The following HS3ST4 variants were observed in gnomAD, a reference collection of about 807,000 sequenced individuals.
HS3ST4 encodes heparan sulfate-glucosamine 3-sulfotransferase 4, also known as heparan sulfate glucosamine 3-O-sulfotransferase 4.
Under a neutral mutation model 29.2 loss-of-function variants are expected in HS3ST4, and 17 were observed. That is an observed-to-expected ratio of 0.58 (90% CI 0.40 to 0.87). The LOEUF (loss-of-function observed/expected upper bound fraction) is 0.87, where lower values mean the gene tolerates loss of function less well. Among genes scored for constraint, HS3ST4 ranks in the 40% least tolerant of loss-of-function variants. HS3ST4 has a pLI of 0.00. For synonymous variants in HS3ST4, 314 were observed against 285.7 expected (o/e 1.10, Z -1.00); for missense variants, 627 against 634.5 (o/e 0.99, Z 0.13).
intron 1 of HS3ST4, among the ~76,000 whole-genome samples, chr16:25,728,595 G>A (rs1966552103): frequency 6.6e-6 from 1 of 152,142 alleles, no homozygotes; most frequent in Non-Finnish European, 1.5e-5. Context: ...AAGTATTCAT[G>A]GGAATTAAAG....
intron 1 of HS3ST4, among the ~76,000 whole-genome samples, chr16:25,876,670 GC>G (rs1967836292): frequency 6.6e-6 from 1 of 152,076 alleles, no homozygotes; most frequent in Non-Finnish European, 1.5e-5. Flanking sequence ...AATCAACAGT[GC>G]TGGGAATGGA....
intron 1 of HS3ST4, among the ~76,000 whole-genome samples, chr16:26,021,830 A>C (rs1232020038): frequency 6.7e-6 from 1 of 149,344 alleles, no homozygotes; most frequent in Non-Finnish European, 1.5e-5. Flanking sequence ...CAACCAGCTA[A>C]TTTTTGTATT....
chr16:25,784,409 C>G (rs1169567926), intron 1 of HS3ST4, among the ~76,000 whole-genome samples: 3 of 152,222 alleles, frequency 2.0e-5, no homozygotes, highest in African/African-American at 7.2e-5. Context: ...AGCTAGACCT[C>G]TTGCACCAAA....
chr16:25,964,990 G>C (rs1453372446), intron 1 of HS3ST4, among the ~76,000 whole-genome samples: 1 of 151,988 alleles, frequency 6.6e-6, no homozygotes, highest in African/African-American at 2.4e-5. Context: ...GCAATAGGCT[G>C]GGCACTAGGT....
chr16:26,020,307 C>T (rs1486621640), intron 1 of HS3ST4, among the ~76,000 whole-genome samples: 3 of 152,148 alleles, frequency 2.0e-5, no homozygotes, highest in Non-Finnish European at 2.9e-5. Flanking sequence ...GGCCACAGCT[C>T]TTGCATCTAT....
chr16:25,907,304 C>T (rs1454454548), intron 1 of HS3ST4, among the ~76,000 whole-genome samples: 1 of 152,104 alleles, frequency 6.6e-6, no homozygotes, highest in Non-Finnish European at 1.5e-5. Flanking sequence ...ATGGCTAATT[C>T]CAGGAGGGCT....
chr16:26,005,724 T>A (rs1567291922), intron 1 of HS3ST4, among the ~76,000 whole-genome samples: 1 of 150,092 alleles, frequency 6.7e-6, no homozygotes, highest in African/African-American at 2.5e-5. Context: ...GAGAAGATTT[T>A]ACTGTGTGAA....
At chr16:25,869,994 C>T (rs1967732726) in intron 1 of HS3ST4, among the ~76,000 whole-genome samples, 1 of 152,180 alleles carries the variant, frequency 6.6e-6, no homozygotes, top group South Asian at 2.1e-4. Context: ...GTGTTCATCT[C>T]TATCTCTGAG....
chr16:26,056,043 AGAGAGAGAGAG>A (rs1898403815), intron 1 of HS3ST4, among the ~76,000 whole-genome samples: 1 of 384 alleles, frequency 2.6e-3, no homozygotes, highest in Non-Finnish European at 0.056. Context: ...AGAGAGACAG[AGAGAGAGAGAG>A]AGAGAGAGAG....
At chr16:25,800,794 T>A (rs1966925384) in intron 1 of HS3ST4, among the ~76,000 whole-genome samples, 3 of 152,078 alleles carry the variant, frequency 2.0e-5, no homozygotes, top group Non-Finnish European at 4.4e-5. Context: ...ATTAGTGACC[T>A]TATAGGAGGG....
At chr16:25,746,259 G>A (rs886706140) in intron 1 of HS3ST4, among the ~76,000 whole-genome samples, 2 of 152,192 alleles carry the variant, frequency 1.3e-5, no homozygotes, top group Admixed American at 1.3e-4. Flanking sequence ...AGTGTTATAA[G>A]TGTTATAATG....
At chr16:25,863,888 A>T (rs1280576394) in intron 1 of HS3ST4, among the ~76,000 whole-genome samples, 1 of 152,274 alleles carries the variant, frequency 6.6e-6, no homozygotes, top group African/African-American at 2.4e-5. Context: ...TGGTTTAAAC[A>T]AAAGAAATTA....
At chr16:25,848,777 T>C (rs1967490546) in intron 1 of HS3ST4, among the ~76,000 whole-genome samples, 1 of 151,992 alleles carries the variant, frequency 6.6e-6, no homozygotes, top group South Asian at 2.1e-4. Context: ...CTTTTATCTT[T>C]ATTCCTTCTC....
intron 1 of HS3ST4, among the ~76,000 whole-genome samples, chr16:25,980,693 C>A (rs1968995507): frequency 1.3e-5 from 2 of 152,146 alleles, no homozygotes; most frequent in African/African-American, 2.4e-5. Context: ...TTAAAATGCA[C>A]CCAGATTTGT....
rs553210220 is a variant in HS3ST4 at position 25,956,769 on chromosome 16, C to T, written c.735-178843C>T. 3.5e-3 allele frequency among the ~76,000 whole-genome samples: 526 copies of T among 151,950 alleles called. 1 individual carries two copies. Among genetic ancestry groups the T allele is most frequent in the African/African-American group, 8.2e-3 (338 of 41,458 alleles). ...ATCCCAGCACTTTGGGAGGCTGAGGCGGGCACATCATGAGGTCAGGAGATC... is the reference window on the plus strand; with the variant it reads ...ATCCCAGCACTTTGGGAGGCTGAGGTGGGCACATCATGAGGTCAGGAGATC... On this transcript the variant is annotated intron_variant, in intron 1 of 1. Transcript: ENST00000331351.
intron 1 of HS3ST4, among the ~76,000 whole-genome samples, chr16:26,069,601 C>G (rs1898579442): frequency 6.6e-6 from 1 of 151,730 alleles, no homozygotes; most frequent in African/African-American, 2.4e-5. Flanking sequence ...TACATGTGCA[C>G]AACGTGCAGG....
intron 1 of HS3ST4, among the ~76,000 whole-genome samples, chr16:25,873,170 A>C (rs1278789421): frequency 2.6e-5 from 4 of 151,150 alleles, no homozygotes; most frequent in Admixed American, 2.0e-4. Flanking sequence ...CATCACCCAC[A>C]CACACATTCA....
intron 1 of HS3ST4, among the ~76,000 whole-genome samples, chr16:26,091,707 A>G (rs1303506906): frequency 6.6e-6 from 1 of 152,190 alleles, no homozygotes; most frequent in African/African-American, 2.4e-5. Context: ...TCATCCTGCA[A>G]TGTCATGCAT....
chr16:25,707,556 A>C (rs915899610), intron 1 of HS3ST4, among the ~76,000 whole-genome samples: 2 of 152,220 alleles, frequency 1.3e-5, no homozygotes, highest in African/African-American at 2.4e-5. Context: ...AGAGAGAACC[A>C]GAAGGTAGTA....
Sources: allele counts gnomAD v4.1 joint callset (sites outside exome capture counted in the v4.1 genomes callset), GRCh38; gene constraint gnomAD v4.1.1; transcripts MANE v1.5; gene names NCBI Gene and HGNC (gene_info 2026-07-23, HGNC 2026-07-21).